PIWIL1: variants seen among roughly 807,000 people sequenced by gnomAD.
The protein encoded by PIWIL1 is piwi like RNA-mediated gene silencing 1, also known as piwi-like protein 1.
Under a neutral mutation model 114.4 loss-of-function variants are expected in PIWIL1, and 73 were observed. That is an observed-to-expected ratio of 0.64 (90% CI 0.53 to 0.78). The LOEUF (loss-of-function observed/expected upper bound fraction) is 0.78, where lower values mean the gene tolerates loss of function less well. PIWIL1 is among the 30% of genes least tolerant of loss of function. PIWIL1 has a pLI of 0.00. For missense variants in PIWIL1, 723 were observed against 1,063.1 expected (o/e 0.68, Z 4.45); for synonymous variants, 375 against 369.0 (o/e 1.02, Z -0.19).
rs114727997 is a variant in PIWIL1, at chr12:130,348,212, C to T, written c.734+29C>T. 4,295 of 1,317,016 alleles carry T rather than the reference C, an allele frequency of 3.3e-3. 67 individuals carry two copies. In the African/African-American group the frequency reaches 0.039, roughly 12 times the overall value. 81.6% of individuals were successfully genotyped at this position (1,317,016 alleles called of 1,614,324 possible). A position where few individuals can be genotyped will look rare whatever the true frequency, so the allele number is the denominator to read the frequency against. On this transcript the variant is annotated intron_variant, in intron 7 of 20. Coordinates refer to ENST00000245255, the MANE Select transcript of PIWIL1 (RefSeq NM_004764.5). Reference sequence around the variant, plus strand: ...TGTATGAAGTAGAACGTTTAATATTCCTTAGGCTTAATGACAGACTTTTGA... The same window carrying T: ...TGTATGAAGTAGAACGTTTAATATTTCTTAGGCTTAATGACAGACTTTTGA...
At chr12:130,424,286 C>A in the PIWIL1 span, 1 of 1,231,822 alleles carries the variant, frequency 8.1e-7, no homozygotes, top group Non-Finnish European at 1.0e-6. This position sits in a 1 kb window ranked among gnomAD's most constrained non-coding sequence, Gnocchi z 9.8. Flanking sequence ...TGGGGGGCGG[C>A]CTCTCCGGGC....
chr12:130,344,634 C>T (rs1383973830), intron 3 of PIWIL1, among the ~76,000 whole-genome samples: 1 of 152,172 alleles, frequency 6.6e-6, no homozygotes, highest in African/African-American at 2.4e-5. Context: ...CAGAAGAGAA[C>T]TGGACTCTGA....
the PIWIL1 span, among the ~76,000 whole-genome samples, chr12:130,404,374 C>T: frequency 2.6e-5 from 4 of 152,064 alleles, no homozygotes; most frequent in Non-Finnish European, 4.4e-5. Flanking sequence ...CTCAGCTCAC[C>T]GCAACCTCCA....
chr12:130,409,673 C>G, the PIWIL1 span, among the ~76,000 whole-genome samples: 4 of 152,196 alleles, frequency 2.6e-5, no homozygotes, highest in South Asian at 8.3e-4. Context: ...AGGCTTCTTT[C>G]ATCTGGATGA....
intron 11 of PIWIL1, among the ~76,000 whole-genome samples, chr12:130,355,305 CA>C (rs1162322782): frequency 6.6e-6 from 1 of 152,142 alleles, no homozygotes; most frequent in East Asian, 1.9e-4. Flanking sequence ...TTTGTTATAT[CA>C]AGGGGTTTCC....
At chr12:130,379,345 T>C in the PIWIL1 span, among the ~76,000 whole-genome samples, 1 of 152,200 alleles carries the variant, frequency 6.6e-6, no homozygotes, top group Non-Finnish European at 1.5e-5. Flanking sequence ...TCAAACCACA[T>C]TGAATAAACC....
At chr12:130,389,524 TC>T in the PIWIL1 span, among the ~76,000 whole-genome samples, 1 of 152,160 alleles carries the variant, frequency 6.6e-6, no homozygotes, top group African/African-American at 2.4e-5. Context: ...TTACACTTTT[TC>T]CAGGCATTTG....
the PIWIL1 span, chr12:130,422,615 G>C: frequency 7.8e-7 from 1 of 1,273,978 alleles, no homozygotes; most frequent in Non-Finnish European, 1.1e-6. This position sits in a 1 kb window ranked among gnomAD's most constrained non-coding sequence, Gnocchi z 5.2. Context: ...GGGAACTGAA[G>C]AATTCAGTTA....
chr12:130,347,654 T>G (rs2073104259), intron 6 of PIWIL1, among the ~76,000 whole-genome samples: 1 of 152,210 alleles, frequency 6.6e-6, no homozygotes, highest in Non-Finnish European at 1.5e-5. Flanking sequence ...TAAATACTTG[T>G]TTTGAGTTAA....
chr12:130,413,132 G>T, the PIWIL1 span, among the ~76,000 whole-genome samples: 1 of 152,138 alleles, frequency 6.6e-6, no homozygotes, highest in African/African-American at 2.4e-5. Flanking sequence ...GACCAGGTAG[G>T]CTGCACAAAG....
chr12:130,343,046 A>G lies in PIWIL1; in HGVS notation c.135A>G (p.Glu45=), dbSNP rs1280929051. The G allele has an allele frequency of 4.3e-6, 7 of 1,613,968 alleles. No homozygotes were observed. Among genetic ancestry groups the G allele is most frequent in the Middle Eastern group, 1.6e-4 (1 of 6,084 alleles). The part of the protein sequence containing the change: ...PRPQPPPAEG[E]LFGRGRQRGT... ...CTCAGCCGCCACCAGCAGAGGGGGA[A>G]TTATTTGGCCGTGGACGGCAGAGAG... Residue 45 remains glutamate (E), a synonymous_variant, in exon 3 of 21, where the codon GAA becomes GAG. Coordinates refer to ENST00000245255, the MANE Select transcript of PIWIL1 (RefSeq NM_004764.5).
At chr12:130,414,505 T>G in the PIWIL1 span, 1 of 507,898 alleles carries the variant, frequency 2.0e-6, no homozygotes, top group Non-Finnish European at 3.5e-6. Flanking sequence ...ACAGCCACAC[T>G]CTGTACCTGG....
the PIWIL1 span, chr12:130,412,689 A>T: frequency 1.4e-5 from 23 of 1,613,642 alleles, no homozygotes; most frequent in South Asian, 2.4e-4. Context: ...TCTCCTCATC[A>T]TCTGCTTGTA....
the PIWIL1 span, chr12:130,407,670 G>A: frequency 2.2e-4 from 301 of 1,372,616 alleles, no homozygotes; most frequent in African/African-American, 2.0e-3. Flanking sequence ...GGTGTACCAC[G>A]AGGGAAGGGA....
the PIWIL1 span, among the ~76,000 whole-genome samples, chr12:130,410,454 A>C: frequency 6.6e-6 from 1 of 152,264 alleles, no homozygotes; most frequent in African/African-American, 2.4e-5. Flanking sequence ...ATTATTATAA[A>C]GTTTTCTCCT....
the PIWIL1 span, among the ~76,000 whole-genome samples, chr12:130,390,106 A>G: frequency 6.6e-6 from 1 of 152,208 alleles, no homozygotes; most frequent in East Asian, 1.9e-4. Flanking sequence ...GTATTGTTCA[A>G]TCTAATCAGC....
At chr12:130,408,900 A>T in the PIWIL1 span, among the ~76,000 whole-genome samples, 7 of 152,134 alleles carry the variant, frequency 4.6e-5, no homozygotes, top group African/African-American at 1.7e-4. Context: ...GCCCTGCAAC[A>T]TTCCAGCGAT....
chr12:130,424,455 G>A, the PIWIL1 span: 27 of 1,232,162 alleles, frequency 2.2e-5, no homozygotes, highest in African/African-American at 2.3e-4. This position sits in a 1 kb window ranked among gnomAD's most constrained non-coding sequence, Gnocchi z 9.8. Context: ...GCTGCACGCG[G>A]CCACGGTGTT....
the PIWIL1 span, among the ~76,000 whole-genome samples, chr12:130,420,267 A>G: frequency 2.6e-5 from 4 of 152,120 alleles, no homozygotes; most frequent in African/African-American, 9.7e-5. The surrounding 1 kb of genome is among the most constrained non-coding windows in gnomAD (Gnocchi z 4.3). Context: ...TTTGTGTGTA[A>G]AGTATCTGGT....
Sources: gnomAD v4.1 joint callset for allele counts (sites outside exome capture counted in the v4.1 genomes callset) on GRCh38, gnomAD v4.1.1 for gene constraint, Gnocchi (gnomAD v3.1) non-coding constraint, MANE v1.5 for transcripts, NCBI Gene and HGNC (gene_info 2026-07-23, HGNC 2026-07-21) for gene names.